Variants in BEND4 observed in about 807,000 individuals in gnomAD.
BEND4 encodes the protein BEN domain containing 4, also known as BEN domain-containing protein 4.
A neutral mutation model predicts 54.7 loss-of-function variants in BEND4; 27 were observed. That is an observed-to-expected ratio of 0.49 (90% CI 0.36 to 0.68). The LOEUF (loss-of-function observed/expected upper bound fraction) is 0.68. Among genes scored for constraint, BEND4 ranks in the 30% least tolerant of loss-of-function variants. BEND4 has a pLI of 0.00. For synonymous variants in BEND4, 327 were observed against 299.5 expected (o/e 1.09, Z -0.95); for missense variants, 702 against 697.2 (o/e 1.01, Z -0.08).
intron 2 of BEND4, among the ~76,000 whole-genome samples, chr4:42,147,860 T>C (rs1721131792): frequency 1.3e-5 from 2 of 152,132 alleles, no homozygotes; most frequent in African/African-American, 4.8e-5. Context: ...GGCAATCAAA[T>C]AGTCTCCCTA....
chr4:42,123,835 G>A (rs920450398), intron 4 of BEND4, among the ~76,000 whole-genome samples: 3 of 152,092 alleles, frequency 2.0e-5, no homozygotes, highest in Non-Finnish European at 4.4e-5. Flanking sequence ...GACGTAGGAA[G>A]TAAGGGGGTC....
At chr4:42,151,558 G>A in intron 2 of BEND4, 99 bp downstream of exon 2, 1 of 1,279,448 alleles carries the variant, frequency 7.8e-7, no homozygotes, top group Non-Finnish European at 1.0e-6. Context: ...ACACGGCCCA[G>A]CACGGGTAAG....
In BEND4 at chr4:42,119,702, T is replaced by C. The variant is rs185914658; in HGVS notation, c.1387+352A>G. Among the ~76,000 whole-genome samples the C allele has an allele frequency of 2.2e-4, 34 of 152,262 alleles. No homozygotes were observed. The South Asian group carries it at 6.2e-3, about 28-fold the overall frequency. ...AACTAGAACTGGAAATGAGGTAACA[T>C]TGTACCCATTAAAAAAATTTTCCAC... is the stretch of plus-strand genomic sequence containing the variant. On this transcript the variant is annotated intron_variant, in intron 5 of 5. Coordinates refer to ENST00000502486, the MANE Select transcript of BEND4 (RefSeq NM_207406.4).
intron 3 of BEND4, among the ~76,000 whole-genome samples, chr4:42,137,724 G>A (rs78920784): frequency 2.0e-3 from 310 of 152,228 alleles, no homozygotes; most frequent in African/African-American, 7.1e-3. Context: ...AAACCATGGG[G>A]TTAATATCTA....
chr4:42,144,797 T>C (rs139934530), intron 2 of BEND4, among the ~76,000 whole-genome samples: 6 of 152,300 alleles, frequency 3.9e-5, no homozygotes, highest in East Asian at 3.9e-4. Context: ...TTGTCAACCA[T>C]TGAAAGCAAA....
Position 42,135,723 on chromosome 4 carries a change from C to T in BEND4, c.1054+7705G>A, listed in dbSNP as rs1200673023. On this transcript the variant is annotated intron_variant, in intron 3 of 5. Coordinates refer to ENST00000502486, the MANE Select transcript of BEND4 (RefSeq NM_207406.4). ...CCGGGAGGCAGAGCTTGCAGTGAGCCGAGATTGTGCCACTGCACTCCAGCC... is the reference window on the plus strand; with the variant it reads ...CCGGGAGGCAGAGCTTGCAGTGAGCTGAGATTGTGCCACTGCACTCCAGCC... Among the ~76,000 whole-genome samples the T allele has an allele frequency of 2.0e-5, 3 of 152,030 alleles. No homozygotes were observed. In the East Asian group the frequency reaches 5.8e-4, roughly 29 times the overall value.
intron 3 of BEND4, among the ~76,000 whole-genome samples, chr4:42,140,675 C>T (rs920529390): frequency 4.6e-5 from 7 of 152,170 alleles, no homozygotes; most frequent in South Asian, 2.1e-4. Context: ...AAGTGAGAGG[C>T]GGACTGAACC....
chr4:42,131,214 G>A lies in BEND4; in HGVS notation c.1055-5540C>T, dbSNP rs537614232. Among the ~76,000 whole-genome samples the A allele has an allele frequency of 5.3e-5, 8 of 152,042 alleles. No individual in the cohort carries two copies. The East Asian group carries it at 5.8e-4, about 11-fold the overall frequency. On this transcript the variant is annotated intron_variant, in intron 3 of 5. Coordinates refer to ENST00000502486, the MANE Select transcript of BEND4 (RefSeq NM_207406.4). ...CCTGCACATCCTGCACATGTATCCCGGAACTTAAAATATATAAAATAAAAT... is the reference window on the plus strand; with the variant it reads ...CCTGCACATCCTGCACATGTATCCCAGAACTTAAAATATATAAAATAAAAT...
At chr4:42,150,772 G>C (rs891079547) in intron 2 of BEND4, among the ~76,000 whole-genome samples, 1 of 152,238 alleles carries the variant, frequency 6.6e-6, no homozygotes, top group African/African-American at 2.4e-5. Flanking sequence ...GCAGACTCGA[G>C]ATAAAGGAGA....
At position 42,116,744 on chromosome 4, in the gene BEND4, A is replaced by C. The variant is rs973344251; in HGVS notation, c.*774T>G. ...TACCCATCACTTTGGCATTGTGTCA[A>C]CAAAGCCTGATTTAAGGCTATGGAA... On this transcript the variant is annotated 3_prime_UTR_variant, in exon 6 of 6. Transcript: ENST00000502486. 6.6e-6 allele frequency: 1 copy of C among 152,222 alleles called. No individual in the cohort carries two copies. The highest frequency in any genetic ancestry group is 6.5e-5 in the Admixed American group (1 of 15,280). 9.4% of individuals were successfully genotyped at this position (152,222 alleles called of 1,614,324 possible). A position where few individuals can be genotyped will look rare whatever the true frequency, so the allele number is the denominator to read the frequency against.
chr4:42,142,776 T>G (rs928319191), intron 3 of BEND4, among the ~76,000 whole-genome samples: 3 of 151,794 alleles, frequency 2.0e-5, no homozygotes, highest in Admixed American at 2.0e-4. Context: ...AGGAAATGCC[T>G]CATGTTTAGT....
Position 42,152,084 on chromosome 4 carries a change from C to G in BEND4, c.60G>C (p.Gln20His). Residue 20 changes from glutamine to histidine, a missense_variant, in exon 2 of 6, where the codon CAG becomes CAC. Coordinates refer to ENST00000502486, the MANE Select transcript of BEND4 (RefSeq NM_207406.4). ...EGPSVPKIYKQRSPYSVLKTF... is the reference protein window; with the variant it reads ...EGPSVPKIYKHRSPYSVLKTF... Reference sequence around the variant, plus strand: ...TCTTGAGGACGCTGTAGGGGCTGCGCTGCTTGTAGATTTTGGGGACGCTGG... The same window carrying G: ...TCTTGAGGACGCTGTAGGGGCTGCGGTGCTTGTAGATTTTGGGGACGCTGG... The G allele has an allele frequency of 8.0e-7, 1 of 1,251,358 alleles. No individual in the cohort carries two copies. The highest frequency in any genetic ancestry group is 4.0e-5 in the South Asian group (1 of 24,740). 77.5% of individuals were successfully genotyped at this position (1,251,358 alleles called of 1,614,324 possible). A position where few individuals can be genotyped will look rare whatever the true frequency, so the allele number is the denominator to read the frequency against.
At chr4:42,142,865 C>T (rs1212935756) in intron 3 of BEND4, among the ~76,000 whole-genome samples, 2 of 151,966 alleles carry the variant, frequency 1.3e-5, no homozygotes, top group African/African-American at 2.4e-5. Flanking sequence ...ATGCTAAAGA[C>T]GTTATGCTTG....
At chr4:42,145,554 T>C (rs1348847996) in intron 2 of BEND4, among the ~76,000 whole-genome samples, 2 of 151,870 alleles carry the variant, frequency 1.3e-5, no homozygotes, top group African/African-American at 4.8e-5. Context: ...TAGCTGGACA[T>C]GGTGGCGCGC....
At chr4:42,128,619 G>A (rs540981854) in intron 3 of BEND4, among the ~76,000 whole-genome samples, 3 of 149,446 alleles carry the variant, frequency 2.0e-5, no homozygotes, top group Admixed American at 6.7e-5. Context: ...GCAAGACTCC[G>A]TCTCAAAAAA....
chr4:42,128,452 T>A (rs1720373664), intron 3 of BEND4, among the ~76,000 whole-genome samples: 1 of 151,784 alleles, frequency 6.6e-6, no homozygotes, highest in Admixed American at 6.6e-5. Context: ...TGAAACCCCG[T>A]TTCTATTAAA....
chr4:42,131,138 G>C (rs1720493593), intron 3 of BEND4, among the ~76,000 whole-genome samples: 1 of 152,094 alleles, frequency 6.6e-6, no homozygotes, highest in Non-Finnish European at 1.5e-5. Context: ...GTAGGTGATG[G>C]GTTGACAGGT....
intron 2 of BEND4, chr4:42,151,141 T>C (rs1176128213): frequency 5.3e-5 from 8 of 151,232 alleles, no homozygotes; most frequent in South Asian, 2.1e-4. Flanking sequence ...CCAGCCAGCA[T>C]GGACTGCGAC....
chr4:42,150,698 C>T (rs1721237111), intron 2 of BEND4, among the ~76,000 whole-genome samples: 2 of 152,234 alleles, frequency 1.3e-5, no homozygotes, highest in African/African-American at 4.8e-5. Flanking sequence ...CAGGCTGTGG[C>T]CTCGCAACCA....
Sources: gnomAD v4.1 joint callset for allele counts (sites outside exome capture counted in the v4.1 genomes callset) on GRCh38, gnomAD v4.1.1 for gene constraint, MANE v1.5 for transcripts, NCBI Gene and HGNC (gene_info 2026-07-23, HGNC 2026-07-21) for gene names.